The following ZNHIT6 variants were observed in gnomAD, a reference collection of about 807,000 sequenced individuals.
The protein encoded by ZNHIT6 is zinc finger HIT-type containing 6, also known as box C/D snoRNA protein 1.
A neutral mutation model predicts 57.2 loss-of-function variants in ZNHIT6; 45 were observed. The observed-to-expected ratio is 0.79, with a 90% CI of 0.62 to 1.01. ZNHIT6 has a LOEUF of 1.01. Ranked by LOEUF, ZNHIT6 falls within the 50% of genes least tolerant of loss-of-function variation. ZNHIT6 has a pLI of 0.00. For missense variants in ZNHIT6, 528 were observed against 567.3 expected (o/e 0.93, Z 0.70); for synonymous variants, 188 against 190.0 (o/e 0.99, Z 0.09).
At chr1:85,658,331 C>T (rs1661124031) in intron 8 of ZNHIT6, among the ~76,000 whole-genome samples, 1 of 152,042 alleles carries the variant, frequency 6.6e-6, no homozygotes, top group African/African-American at 2.4e-5. Context: ...CAGGCTCAAG[C>T]GATTCTCCTG....
At position 85,707,896 on chromosome 1, in the gene ZNHIT6, G is replaced by C. The variant is rs774189809; in HGVS notation, c.389C>G (p.Ala130Gly). 6.2e-7 allele frequency: 1 copy of C among 1,613,484 alleles called. No homozygotes were observed. The highest frequency in any genetic ancestry group is 8.5e-7 in the Non-Finnish European group (1 of 1,179,948). ...ETDSSLVVKE[A>G]KVGEPEVKEE... ...CTTTACCTCTGGTTCACCCACCTTC[G>C]CTTCTTTTACCACTAAACTACTATC... The change falls in exon 1 of 10, where the codon GCG becomes GGG. Residue 130 changes from alanine (A) to glycine (G), a missense_variant. Coordinates refer to ENST00000370574, the MANE Select transcript of ZNHIT6 (RefSeq NM_017953.4).
In ZNHIT6 at chr1:85,651,960, A is replaced by AG. The variant is rs766242917; in HGVS notation, c.*2097dup. The AG allele has an allele frequency of 1.3e-4, 20 of 152,240 alleles. No individual in the cohort carries two copies. Among genetic ancestry groups the AG allele is most frequent in the Non-Finnish European group, 2.4e-4 (16 of 68,038 alleles). The allele number at this position is 152,240 out of a possible 1,614,324, so 9.4% of individuals were successfully genotyped here. Reference sequence around the variant, plus strand: ...ATCAAATGAGTTGATAATTATATTTAGGGGAATTCTAAGAGTTATATTCTT... The same window carrying AG: ...ATCAAATGAGTTGATAATTATATTTAGGGGGAATTCTAAGAGTTATATTCTT... On this transcript the variant is annotated 3_prime_UTR_variant, in exon 10 of 10. Transcript: ENST00000370574.
Position 85,657,945 on chromosome 1 carries a change from C to G in ZNHIT6, c.1274G>C (p.Ser425Thr). Reference sequence around the variant, plus strand: ...TTTGTTCCTCAAATTGTCTAGGAGACTTTTATAAGGATCTAGTTCATAATA... The same window carrying G: ...TTTGTTCCTCAAATTGTCTAGGAGAGTTTTATAAGGATCTAGTTCATAATA... ...VRYYELDPYKSLLDNLRNKVI... is the reference protein window; with the variant it reads ...VRYYELDPYKTLLDNLRNKVI... The change falls in exon 9 of 10, where the codon AGT (serine) becomes ACT (threonine). Residue 425 changes from serine to threonine, a missense_variant. Transcript: ENST00000370574. 1 of 1,553,214 alleles carries G rather than the reference C, an allele frequency of 6.4e-7. No homozygotes were observed. Among genetic ancestry groups the G allele is most frequent in the Non-Finnish European group, 8.8e-7 (1 of 1,133,810 alleles).
intron 5 of ZNHIT6, among the ~76,000 whole-genome samples, chr1:85,701,705 C>T (rs1187487927): frequency 1.3e-5 from 2 of 152,136 alleles, no homozygotes; most frequent in East Asian, 3.8e-4. Flanking sequence ...GAAATACTTT[C>T]TTGGTATCTT....
chr1:85,706,547 A>G (rs770478753), intron 1 of ZNHIT6, 40 bp from the exon 2 acceptor site: 1 of 1,462,222 alleles, frequency 6.8e-7, no homozygotes, highest in African/African-American at 1.5e-5. Context: ...ATCAAATATT[A>G]ATTGTATTTA....
chr1:85,690,278 G>C (rs1003319896), intron 5 of ZNHIT6, among the ~76,000 whole-genome samples: 1 of 152,048 alleles, frequency 6.6e-6, no homozygotes, highest in African/African-American at 2.4e-5. Flanking sequence ...CCTCTCTCCA[G>C]CCTCATCTCC....
At chr1:85,682,557 C>T (rs189691276) in intron 5 of ZNHIT6, among the ~76,000 whole-genome samples, 3 of 152,164 alleles carry the variant, frequency 2.0e-5, no homozygotes, top group East Asian at 1.9e-4. Context: ...GAAAAGCCCT[C>T]GGAAATCATT....
chr1:85,666,011 C>A (rs1393181585), intron 8 of ZNHIT6, among the ~76,000 whole-genome samples: 1 of 152,154 alleles, frequency 6.6e-6, no homozygotes, highest in Non-Finnish European at 1.5e-5. Flanking sequence ...TTTGTGATTT[C>A]TTTCACTCAA....
Position 85,687,286 on chromosome 1 carries a change from AACAAAAAAAAAAC to A in ZNHIT6, c.1020-6395_1020-6383del, listed in dbSNP as rs1400248635. ...CAAGAGTGAGAAGACTATCTCAAAA[AACAAAAAAAAAAC>A]AAAAAAAAAAAACAATTTAGAACCC... On this transcript the variant is annotated intron_variant, in intron 5 of 9. Transcript: ENST00000370574. Among the ~76,000 whole-genome samples, 11 of 125,460 alleles carry A rather than the reference AACAAAAAAAAAAC, an allele frequency of 8.8e-5. 1 individual carries two copies. Among genetic ancestry groups the A allele is most frequent in the Non-Finnish European group, 1.5e-4 (9 of 59,046 alleles). 82.3% of individuals were successfully genotyped at this position (125,460 alleles called of 152,430 possible).
intron 5 of ZNHIT6, among the ~76,000 whole-genome samples, chr1:85,696,225 A>C (rs934893026): frequency 6.6e-6 from 1 of 150,984 alleles, no homozygotes; most frequent in Admixed American, 6.6e-5. Flanking sequence ...CCCAGGCTGG[A>C]ATGTAACGGT....
chr1:85,679,581 T>A (rs1035662071), intron 6 of ZNHIT6, among the ~76,000 whole-genome samples: 9 of 146,846 alleles, frequency 6.1e-5, no homozygotes, highest in African/African-American at 2.3e-4. Flanking sequence ...TTTTTTTTTT[T>A]AATTTTTTTG....
chr1:85,692,434 T>C (rs537952913), intron 5 of ZNHIT6, among the ~76,000 whole-genome samples: 1 of 152,300 alleles, frequency 6.6e-6, no homozygotes, highest in African/African-American at 2.4e-5. Context: ...CCATTAGGAT[T>C]CTATTCTTCC....
At chr1:85,676,251 G>T (rs989839976) in intron 8 of ZNHIT6, among the ~76,000 whole-genome samples, 1 of 150,588 alleles carries the variant, frequency 6.6e-6, no homozygotes, top group Admixed American at 6.7e-5. Context: ...CAGAAGAATC[G>T]CTTGAACCTG....
At chr1:85,706,610 A>AGT in intron 1 of ZNHIT6, 103 bp from the exon 2 acceptor site, 5 of 1,076,152 alleles carry the variant, frequency 4.6e-6, no homozygotes, top group Non-Finnish European at 5.0e-6. Context: ...CAAGTAACTG[A>AGT]TAAAATATTT....
chr1:85,681,459 CTA>C (rs919325557), intron 5 of ZNHIT6, among the ~76,000 whole-genome samples: 3 of 152,150 alleles, frequency 2.0e-5, no homozygotes, highest in Non-Finnish European at 4.4e-5. Flanking sequence ...AGAAAAATGA[CTA>C]TATTTAATAT....
At chr1:85,670,883 G>A (rs934180012) in intron 8 of ZNHIT6, among the ~76,000 whole-genome samples, 4 of 152,142 alleles carry the variant, frequency 2.6e-5, no homozygotes, top group Non-Finnish European at 5.9e-5. Flanking sequence ...TGGCTTACTA[G>A]AACAACAGTG....
At chr1:85,672,159 A>G (rs547116862) in intron 8 of ZNHIT6, among the ~76,000 whole-genome samples, 6 of 152,280 alleles carry the variant, frequency 3.9e-5, no homozygotes, top group African/African-American at 1.4e-4. Flanking sequence ...ATGAAACTCA[A>G]CATGCTCTTA....
At chr1:85,682,873 T>C (rs1570311969) in intron 5 of ZNHIT6, among the ~76,000 whole-genome samples, 2 of 152,364 alleles carry the variant, frequency 1.3e-5, no homozygotes, top group South Asian at 2.1e-4. Context: ...ATTCTTTATA[T>C]GTACTTTAAC....
At chr1:85,673,265 G>T (rs1308399717) in intron 8 of ZNHIT6, among the ~76,000 whole-genome samples, 1 of 152,112 alleles carries the variant, frequency 6.6e-6, no homozygotes, top group African/African-American at 2.4e-5. Flanking sequence ...ATGAATAAGT[G>T]AATTTATTTA....
Sources: allele counts gnomAD v4.1 joint callset (sites outside exome capture counted in the v4.1 genomes callset), GRCh38; gene constraint gnomAD v4.1.1; transcripts MANE v1.5; gene names NCBI Gene and HGNC (gene_info 2026-07-23, HGNC 2026-07-21).